AGBL4: variants seen among roughly 807,000 people sequenced by gnomAD.
The protein encoded by AGBL4 is AGBL carboxypeptidase 4.
AGBL4 carries 58 observed loss-of-function variants against 66.4 expected under a neutral mutation model. The observed-to-expected ratio is 0.87, with a 90% CI of 0.71 to 1.09. The LOEUF is 1.09. Among genes scored for constraint, AGBL4 ranks in the 50% least tolerant of loss-of-function variants. The pLI, the probability that AGBL4 is intolerant of heterozygous loss-of-function variation, is 0.00. For synonymous variants in AGBL4, 234 were observed against 222.9 expected, an observed-to-expected ratio of 1.05 and a Z score of -0.44; for missense variants, 579 against 631.0, an observed-to-expected ratio of 0.92 and a Z score of 0.88.
At chr1:48,559,655 G>A (rs1302234396) in intron 11 of AGBL4, among the ~76,000 whole-genome samples, 2 of 152,084 alleles carry the variant, frequency 1.3e-5, no homozygotes, top group Non-Finnish European at 2.9e-5. Context: ...CCTCCACTGT[G>A]GCTGCTAGAG....
chr1:49,724,512 T>G (rs1046722388), intron 2 of AGBL4, among the ~76,000 whole-genome samples: 2 of 152,174 alleles, frequency 1.3e-5, no homozygotes, highest in African/African-American at 4.8e-5. Context: ...AGGAGATGTA[T>G]GTCTCTATTA....
In AGBL4 at chr1:49,594,179, G is replaced by A. The variant is rs144722669; in HGVS notation, c.282+103134C>T. On this transcript the variant is annotated intron_variant, in intron 3 of 13. Transcript: ENST00000371839. ...CTCTGCATATAAGTAAACCCACACA[G>A]TTCAAACCTGTGTTGTTCAAGGTTC... Among the ~76,000 whole-genome samples the A allele has an allele frequency of 6.3e-3, 962 of 152,182 alleles. 9 individuals carry two copies. The highest frequency in any genetic ancestry group is 9.2e-3 in the Admixed American group (141 of 15,278).
At chr1:49,783,860 T>C (rs530249209) in intron 2 of AGBL4, among the ~76,000 whole-genome samples, 1 of 152,184 alleles carries the variant, frequency 6.6e-6, no homozygotes, top group East Asian at 1.9e-4. Flanking sequence ...TACACTAGAA[T>C]GAATAATTTA....
chr1:48,879,639 T>C (rs1370274587), intron 5 of AGBL4, among the ~76,000 whole-genome samples: 2 of 152,190 alleles, frequency 1.3e-5, no homozygotes, highest in African/African-American at 4.8e-5. Flanking sequence ...TAAAAAATTT[T>C]AGTGAACATC....
chr1:49,881,010 G>C (rs1262086166), intron 1 of AGBL4, among the ~76,000 whole-genome samples: 1 of 152,122 alleles, frequency 6.6e-6, no homozygotes, highest in South Asian at 2.1e-4. Flanking sequence ...GCCTTGCCCT[G>C]CTTAGGCTCG....
chr1:49,270,294 G>T (rs983581409), intron 3 of AGBL4, among the ~76,000 whole-genome samples: 1 of 152,270 alleles, frequency 6.6e-6, no homozygotes, highest in Admixed American at 6.5e-5. Flanking sequence ...GTCCTTGAAA[G>T]CTTCCTTGTG....
At chr1:49,961,061 G>A (rs576671845) in intron 1 of AGBL4, among the ~76,000 whole-genome samples, 1 of 152,088 alleles carries the variant, frequency 6.6e-6, no homozygotes, top group Non-Finnish European at 1.5e-5. Flanking sequence ...GATGGGTTAC[G>A]TTGAAATTGA....
At position 49,921,371 on chromosome 1, in the gene AGBL4, C is replaced by T. The variant is rs74993290; in HGVS notation, c.35-69853G>A. 5.0e-4 allele frequency among the ~76,000 whole-genome samples: 76 copies of T among 152,052 alleles called. No individual in the cohort carries two copies. In the East Asian group the frequency reaches 0.014, roughly 27 times the overall value. ...GAGCAATGCAATTCAATATATCAAACGAAAATTTATATTCATAATTTTAAA... is the reference window on the plus strand; with the variant it reads ...GAGCAATGCAATTCAATATATCAAATGAAAATTTATATTCATAATTTTAAA... On this transcript the variant is annotated intron_variant, in intron 1 of 13. Transcript: ENST00000371839.
intron 2 of AGBL4, among the ~76,000 whole-genome samples, chr1:49,787,863 AG>A (rs1324807470): frequency 1.3e-5 from 2 of 152,024 alleles, no homozygotes; most frequent in Non-Finnish European, 2.9e-5. Flanking sequence ...ATAGAAACCC[AG>A]GGGCCTTTTT....
intron 1 of AGBL4, among the ~76,000 whole-genome samples, chr1:49,874,288 A>T (rs886389362): frequency 1.3e-5 from 2 of 152,120 alleles, no homozygotes; most frequent in African/African-American, 2.4e-5. Context: ...GTAGGCAAAT[A>T]TTTCTAAGAT....
In AGBL4 at chr1:49,441,722, A is replaced by C. The variant is rs1646035089; in HGVS notation, c.283-195858T>G. Among the ~76,000 whole-genome samples the C allele has an allele frequency of 4.6e-5, 7 of 152,356 alleles. No homozygotes were observed. The South Asian group carries it at 1.5e-3, about 32-fold the overall frequency. On this transcript the variant is annotated intron_variant, in intron 3 of 13. Transcript: ENST00000371839. ...TCAAAATTTAAATACAATGGGAATAATTGAATCCTGAGGTGGCAGGGGCCA... is the reference window on the plus strand; with the variant it reads ...TCAAAATTTAAATACAATGGGAATACTTGAATCCTGAGGTGGCAGGGGCCA...
chr1:48,810,161 G>T (rs1259392577), intron 6 of AGBL4, among the ~76,000 whole-genome samples: 1 of 152,128 alleles, frequency 6.6e-6, no homozygotes, highest in Non-Finnish European at 1.5e-5. Flanking sequence ...GAACTCTCCT[G>T]ACCTTGAGGC....
At chr1:49,879,199 CATT>C (rs1348114278) in intron 1 of AGBL4, among the ~76,000 whole-genome samples, 6 of 136,692 alleles carry the variant, frequency 4.4e-5, no homozygotes, top group African/African-American at 1.7e-4. Flanking sequence ...TTGATCCTGT[CATT>C]ATGATGTTAG....
At chr1:48,652,164 T>A (rs1167814229) in intron 8 of AGBL4, among the ~76,000 whole-genome samples, 1 of 152,130 alleles carries the variant, frequency 6.6e-6, no homozygotes, top group Non-Finnish European at 1.5e-5. Flanking sequence ...ACTGCACAAC[T>A]GCACTCCAGC....
intron 6 of AGBL4, among the ~76,000 whole-genome samples, chr1:48,796,839 C>T (rs1180997184): frequency 6.6e-6 from 1 of 152,194 alleles, no homozygotes; most frequent in African/African-American, 2.4e-5. Context: ...GATCAAGGCA[C>T]AGATCTTAAC....
chr1:49,924,787 G>A (rs1652597942), intron 1 of AGBL4, among the ~76,000 whole-genome samples: 1 of 152,144 alleles, frequency 6.6e-6, no homozygotes, highest in Non-Finnish European at 1.5e-5. Context: ...TAGTAGGGGA[G>A]GAGGAGCAAG....
At chr1:48,903,080 C>A (rs17105101) in intron 5 of AGBL4, among the ~76,000 whole-genome samples, 1 of 152,044 alleles carries the variant, frequency 6.6e-6, no homozygotes, top group African/African-American at 2.4e-5. Flanking sequence ...TAATGTCATC[C>A]GGTGCTCAAG....
At chr1:49,977,842 G>C (rs2148377425) in intron 1 of AGBL4, among the ~76,000 whole-genome samples, 1 of 152,198 alleles carries the variant, frequency 6.6e-6, no homozygotes, top group Non-Finnish European at 1.5e-5. Context: ...CTATCTTTCT[G>C]CTCTAATCAG....
intron 10 of AGBL4, among the ~76,000 whole-genome samples, chr1:48,589,410 C>T (rs1053591664): frequency 6.6e-6 from 1 of 152,176 alleles, no homozygotes; most frequent in Non-Finnish European, 1.5e-5. Flanking sequence ...GTTTTCAGCT[C>T]ATCAACTTCA....
Sources: gnomAD v4.1 joint callset for allele counts (sites outside exome capture counted in the v4.1 genomes callset) on GRCh38, gnomAD v4.1.1 for gene constraint, MANE v1.5 for transcripts, NCBI Gene and HGNC (gene_info 2026-07-23, HGNC 2026-07-21) for gene names.